Variants in PDZD9 observed in about 807,000 individuals in gnomAD.
PDZD9 encodes the protein PDZ domain containing 9, also known as PDZ domain-containing protein 9.
PDZD9 carries 13 observed loss-of-function variants against 16.3 expected under a neutral mutation model. That is an observed-to-expected ratio of 0.80 (90% CI 0.52 to 1.27). PDZD9 has a LOEUF of 1.27. PDZD9 is among the 50% of genes most tolerant of loss of function. The pLI is 0.00. For synonymous variants in PDZD9, 120 were observed against 111.0 expected, an observed-to-expected ratio of 1.08 and a Z score of -0.51; for missense variants, 288 against 310.9, an observed-to-expected ratio of 0.93 and a Z score of 0.55.
chr16:21,995,804 A>T (rs567730289), intron 2 of PDZD9, among the ~76,000 whole-genome samples: 97 of 151,400 alleles, frequency 6.4e-4, no homozygotes, highest in Non-Finnish European at 1.1e-3. Flanking sequence ...TATTTATTTA[A>T]TTATTTTTTG....
chr16:22,000,785 C>G (rs912152159), intron 1 of PDZD9, among the ~76,000 whole-genome samples: 1 of 151,826 alleles, frequency 6.6e-6, no homozygotes, highest in Non-Finnish European at 1.5e-5. Flanking sequence ...GATCGCGCCA[C>G]TGCACTCCAG....
intron 1 of PDZD9, among the ~76,000 whole-genome samples, chr16:21,999,898 G>A (rs547737851): frequency 1.1e-4 from 16 of 152,338 alleles, no homozygotes; most frequent in South Asian, 6.2e-4. Context: ...TCAGCCAGGC[G>A]TGGTGGTTCA....
At chr16:21,972,132 A>G in the PDZD9 span, 1 of 1,609,422 alleles carries the variant, frequency 6.2e-7, no homozygotes, top group South Asian at 1.1e-5. Context: ...TGTGAGTCTG[A>G]ACAGTTGGTA....
chr16:21,964,628 A>T, the PDZD9 span, among the ~76,000 whole-genome samples: 34 of 152,234 alleles, frequency 2.2e-4, no homozygotes, highest in Middle Eastern at 3.4e-3. Flanking sequence ...TTCCCCTGGG[A>T]AACACCAGCT....
intron 2 of PDZD9, among the ~76,000 whole-genome samples, chr16:21,993,132 C>T (rs1899064666): frequency 2.6e-5 from 4 of 152,168 alleles, no homozygotes; most frequent in Admixed American, 1.3e-4. Context: ...TATCCAGTCT[C>T]AGGCAGTATC....
At chr16:21,996,761 A>C (rs1244601962) in intron 1 of PDZD9, among the ~76,000 whole-genome samples, 1 of 152,224 alleles carries the variant, frequency 6.6e-6, no homozygotes, top group Non-Finnish European at 1.5e-5. Context: ...TTCACTTAAC[A>C]AATATTTATT....
chr16:21,987,853 C>G (rs1239639447), intron 3 of PDZD9, among the ~76,000 whole-genome samples: 1 of 151,716 alleles, frequency 6.6e-6, no homozygotes. Flanking sequence ...GCAAAAGACT[C>G]CAGTGGCTAA....
chr16:22,000,159 A>C lies in PDZD9; in HGVS notation c.31+858T>G, dbSNP rs558187380. Among the ~76,000 whole-genome samples the C allele has an allele frequency of 3.3e-5, 5 of 152,314 alleles. No homozygotes were observed. The South Asian group carries it at 1.0e-3, about 32-fold the overall frequency. On this transcript the variant is annotated intron_variant, in intron 1 of 3. Coordinates refer to ENST00000424898, the MANE Select transcript of PDZD9 (RefSeq NM_001363519.1). Reference sequence around the variant, plus strand: ...TTGGAGGCTGCAGTGAGCCAGGAGCATACCACTGCACTCCAGCCTGAGCGA... The same window carrying C: ...TTGGAGGCTGCAGTGAGCCAGGAGCCTACCACTGCACTCCAGCCTGAGCGA...
the PDZD9 span, chr16:21,971,764 A>G: frequency 7.6e-7 from 1 of 1,321,916 alleles, no homozygotes; most frequent in East Asian, 2.4e-5. Flanking sequence ...TATTTTGAGC[A>G]TATGTTTTGT....
At chr16:21,976,181 C>T in the PDZD9 span, 2 of 1,613,952 alleles carry the variant, frequency 1.2e-6, no homozygotes, top group Non-Finnish European at 1.7e-6. Context: ...TCAAGGCTGC[C>T]TATAATCAAG....
chr16:21,976,121 ACT>A, the PDZD9 span: 2 of 1,344,944 alleles, frequency 1.5e-6, no homozygotes, highest in South Asian at 1.2e-5. Flanking sequence ...GCTGCAGGAG[ACT>A]CTGGTACTGA....
chr16:21,959,448 G>T, the PDZD9 span: 1 of 173,120 alleles, frequency 5.8e-6, no homozygotes, highest in South Asian at 1.1e-4. Flanking sequence ...TAAGATTGCA[G>T]CCATTCAGTC....
rs377704991 is a variant in PDZD9, at chr16:21,984,261, G to T, written c.*6C>A. 2.5e-4 allele frequency: 396 copies of T among 1,602,588 alleles called. 1 individual carries two copies. Among genetic ancestry groups the T allele is most frequent in the Non-Finnish European group, 2.6e-5 (30 of 1,172,732 alleles). ...CAAGATAAATGCTCATATGACCACA[G>T]ATTTGCTAACCAACCTTTGATACCA... On this transcript the variant is annotated 3_prime_UTR_variant, in exon 4 of 4. Transcript: ENST00000424898.
At chr16:21,958,469 A>G in the PDZD9 span, 10 of 1,359,286 alleles carry the variant, frequency 7.4e-6, no homozygotes, top group Non-Finnish European at 1.0e-5. Context: ...AGATTTTGAT[A>G]TAGTGTGATG....
At chr16:21,986,667 G>A (rs1898883936) in intron 3 of PDZD9, among the ~76,000 whole-genome samples, 1 of 152,144 alleles carries the variant, frequency 6.6e-6, no homozygotes, top group Admixed American at 6.5e-5. Flanking sequence ...AGCAAAACAA[G>A]ACAGACTCAG....
the PDZD9 span, chr16:21,972,042 G>A: frequency 6.2e-7 from 1 of 1,614,154 alleles, no homozygotes; most frequent in Non-Finnish European, 8.5e-7. Context: ...CCTCGGTGCT[G>A]GGCCACATGT....
the PDZD9 span, chr16:21,971,450 A>G: frequency 7.8e-7 from 1 of 1,278,898 alleles, no homozygotes; most frequent in African/African-American, 1.5e-5. Flanking sequence ...GTATTTTTAA[A>G]ACAAGGAAAA....
chr16:21,988,739 T>C lies in PDZD9; in HGVS notation c.264A>G (p.Arg88=), dbSNP rs758472217. 1.2e-6 allele frequency: 2 copies of C among 1,613,686 alleles called. No homozygotes were observed. Among genetic ancestry groups the C allele is most frequent in the South Asian group, 2.2e-5 (2 of 91,072 alleles). Residue 88 remains arginine (R), a synonymous_variant, in exon 3 of 4, where the codon CGA becomes CGG. Transcript: ENST00000424898. ...GHANVLGYTL[R]EFLQLLQHIT... ...TATGTTGCAAAAGCTGTAAAAATTC[T>C]CGAAGAGTATATCCTAACACATTGG...
At chr16:21,960,265 G>A in the PDZD9 span, among the ~76,000 whole-genome samples, 5 of 152,162 alleles carry the variant, frequency 3.3e-5, no homozygotes, top group African/African-American at 4.8e-5. Context: ...TTCTATATTA[G>A]CATTTGCTGC....
Sources: gnomAD v4.1 joint callset for allele counts (sites outside exome capture counted in the v4.1 genomes callset) on GRCh38, gnomAD v4.1.1 for gene constraint, MANE v1.5 for transcripts, NCBI Gene and HGNC (gene_info 2026-07-23, HGNC 2026-07-21) for gene names.